MTPN: variants seen among roughly 807,000 people sequenced by gnomAD.
The protein encoded by MTPN is granule cell differentiation protein.
Under a neutral mutation model 13.5 loss-of-function variants are expected in MTPN, and 2 were observed. That is an observed-to-expected ratio of 0.15 (90% CI 0.06 to 0.47). The LOEUF (loss-of-function observed/expected upper bound fraction) is 0.47. Among genes scored for constraint, MTPN ranks in the 20% least tolerant of loss-of-function variants. The pLI is 0.97. For missense variants in MTPN, 79 were observed against 137.9 expected, an observed-to-expected ratio of 0.57 and a Z score of 2.14; for synonymous variants, 46 against 51.7, an observed-to-expected ratio of 0.89 and a Z score of 0.48.
intron 3 of MTPN, 122 bp downstream of exon 3, chr7:135,950,477 T>C (rs1205824427): frequency 1.2e-6 from 1 of 803,200 alleles, no homozygotes; most frequent in Non-Finnish European, 2.1e-6. Flanking sequence ...TACACTTCAA[T>C]TTTGTATATT....
intron 3 of MTPN, among the ~76,000 whole-genome samples, chr7:135,949,552 T>C (rs1267248170): frequency 2.0e-5 from 3 of 152,180 alleles, no homozygotes; most frequent in African/African-American, 7.2e-5. Context: ...CCAGTAATTG[T>C]GGTTAACATG....
chr7:135,977,242 C>A lies in MTPN; in HGVS notation c.-142G>T, dbSNP rs1055280. On this transcript the variant is annotated 5_prime_UTR_variant, in exon 1 of 4. Transcript: ENST00000393085. ...AGAGAAGGAGGGTTAGGCTGCCAGGCGGGCGAGGCAGTTGGCCGCGGCGAC... is the reference window on the plus strand; with the variant it reads ...AGAGAAGGAGGGTTAGGCTGCCAGGAGGGCGAGGCAGTTGGCCGCGGCGAC... 1,204 of 818,860 alleles carry A rather than the reference C, an allele frequency of 1.5e-3. 18 individuals carry two copies. The African/African-American group carries it at 0.017, about 12-fold the overall frequency. The allele number at this position is 818,860 out of a possible 1,614,324, so 50.7% of individuals were successfully genotyped here. A position where few individuals can be genotyped will look rare whatever the true frequency, so the allele number is the denominator to read the frequency against.
chr7:135,969,238 T>TAAAAAAAAAAAAAAAAAAAAAAAAAA (rs57871609), intron 1 of MTPN, among the ~76,000 whole-genome samples: 1 of 109,110 alleles, frequency 9.2e-6, no homozygotes, highest in African/African-American at 3.4e-5. Flanking sequence ...TAAAGTATAA[T>TAAAAAAAAAAAAAAAAAAAAAAAAAA]AAAAAAAAAA....
chr7:135,940,295 A>T (rs1799189320), intron 3 of MTPN, among the ~76,000 whole-genome samples: 1 of 152,240 alleles, frequency 6.6e-6, no homozygotes, highest in Admixed American at 6.5e-5. Context: ...AATTATTCAA[A>T]TACCTACAAT....
At position 135,927,348 on chromosome 7, in the gene MTPN, T is replaced by C. The variant is rs145651438; in HGVS notation, c.*2578A>G. Reference sequence around the variant, plus strand: ...TGTATTTGAACGATAAGCCTATAGATAACAGTCTGAAGCTGCAAGGGAGAC... The same window carrying C: ...TGTATTTGAACGATAAGCCTATAGACAACAGTCTGAAGCTGCAAGGGAGAC... On this transcript the variant is annotated 3_prime_UTR_variant, in exon 4 of 4. Transcript: ENST00000393085. 436 of 1,551,296 alleles carry C rather than the reference T, an allele frequency of 2.8e-4. No homozygotes were observed. The African/African-American group carries it at 5.3e-3, about 19-fold the overall frequency.
chr7:135,939,047 G>A (rs571259136), intron 3 of MTPN, among the ~76,000 whole-genome samples: 1 of 151,796 alleles, frequency 6.6e-6, no homozygotes, highest in Non-Finnish European at 1.5e-5. Flanking sequence ...TGTTTACTCT[G>A]CCTTCCCTCT....
Position 135,941,055 on chromosome 7 carries a change from A to T in MTPN, c.270+9544T>A, listed in dbSNP as rs75908434. On this transcript the variant is annotated intron_variant, in intron 3 of 3. Coordinates refer to ENST00000393085, the MANE Select transcript of MTPN (RefSeq NM_145808.4). Reference sequence around the variant, plus strand: ...GAGACCATAAGGCACAGAAAGCCCCAAATGTTTACTACCTGGCCCTTAACA... The same window carrying T: ...GAGACCATAAGGCACAGAAAGCCCCTAATGTTTACTACCTGGCCCTTAACA... Among the ~76,000 whole-genome samples, 2,562 of 152,300 alleles carry T rather than the reference A, an allele frequency of 0.017. 94 individuals are homozygous for T. In the East Asian group the frequency reaches 0.18, roughly 11 times the overall value.
At chr7:135,955,643 T>C (rs2116383805) in intron 1 of MTPN, among the ~76,000 whole-genome samples, 1 of 152,284 alleles carries the variant, frequency 6.6e-6, no homozygotes, top group South Asian at 2.1e-4. Flanking sequence ...TATGCCAATA[T>C]TCCTCATGAC....
intron 3 of MTPN, among the ~76,000 whole-genome samples, chr7:135,935,886 G>A (rs574612242): frequency 2.7e-4 from 41 of 152,074 alleles, no homozygotes; most frequent in African/African-American, 9.2e-4. Flanking sequence ...AAGTTTCTAA[G>A]GTTCAGCTCA....
chr7:135,964,199 C>A (rs1298871855), intron 1 of MTPN, among the ~76,000 whole-genome samples: 2 of 151,958 alleles, frequency 1.3e-5, no homozygotes, highest in African/African-American at 4.8e-5. Context: ...TTTATCTTAA[C>A]AAACTGTATA....
At chr7:135,975,858 T>TTG (rs1799765787) in intron 1 of MTPN, among the ~76,000 whole-genome samples, 1 of 152,202 alleles carries the variant, frequency 6.6e-6, no homozygotes, top group African/African-American at 2.4e-5. Flanking sequence ...TGTAATGGCA[T>TTG]TAAATAAAGT....
At chr7:135,937,167 C>T (rs1799127448) in intron 3 of MTPN, among the ~76,000 whole-genome samples, 1 of 152,096 alleles carries the variant, frequency 6.6e-6, no homozygotes, top group Admixed American at 6.5e-5. Flanking sequence ...GGATGAAACT[C>T]TCAAACTCCT....
At chr7:135,956,116 A>T (rs1310937559) in intron 1 of MTPN, among the ~76,000 whole-genome samples, 1 of 152,180 alleles carries the variant, frequency 6.6e-6, no homozygotes, top group Admixed American at 6.5e-5. Context: ...TTATCTGCAG[A>T]TCCCATGGTT....
At chr7:135,958,874 T>G (rs980821742) in intron 1 of MTPN, among the ~76,000 whole-genome samples, 3 of 152,104 alleles carry the variant, frequency 2.0e-5, no homozygotes, top group African/African-American at 7.2e-5. Flanking sequence ...ACATTCAAAT[T>G]TCACTAAAGT....
At chr7:135,954,066 G>A (rs893832681) in intron 1 of MTPN, among the ~76,000 whole-genome samples, 11 of 152,076 alleles carry the variant, frequency 7.2e-5, no homozygotes, top group African/African-American at 2.4e-4. Context: ...CTTAGTTGTG[G>A]GACCAGAGAC....
chr7:135,966,158 A>G (rs896174951), intron 1 of MTPN, among the ~76,000 whole-genome samples: 2 of 152,144 alleles, frequency 1.3e-5, no homozygotes, highest in African/African-American at 4.8e-5. Context: ...AGCTCAGTAA[A>G]TGGACAGAAA....
intron 1 of MTPN, among the ~76,000 whole-genome samples, chr7:135,965,221 C>T (rs1799587349): frequency 6.6e-6 from 1 of 152,074 alleles, no homozygotes; most frequent in Non-Finnish European, 1.5e-5. Context: ...CACTGCTTTG[C>T]AAATTTTACA....
chr7:135,949,494 T>C (rs1325223986), intron 3 of MTPN, among the ~76,000 whole-genome samples: 1 of 152,166 alleles, frequency 6.6e-6, no homozygotes, highest in Non-Finnish European at 1.5e-5. Context: ...AAAATTGCTC[T>C]TGATATATAA....
Position 135,928,964 on chromosome 7 carries a change from G to T in MTPN, c.*962C>A, listed in dbSNP as rs1392273289. 1.2e-5 allele frequency: 2 copies of T among 167,050 alleles called. No homozygotes were observed. The highest frequency in any genetic ancestry group is 4.8e-5 in the African/African-American group (2 of 41,452). 10.3% of individuals were successfully genotyped at this position (167,050 alleles called of 1,614,324 possible). On this transcript the variant is annotated 3_prime_UTR_variant, in exon 4 of 4. Transcript: ENST00000393085. ...TAATCAGCCTCCAAGATGGGTCTGA[G>T]AGAGGCATTTCAAAGAATGTTCCTT... is the stretch of plus-strand genomic sequence containing the variant.
Sources: gnomAD v4.1 joint callset for allele counts (sites outside exome capture counted in the v4.1 genomes callset) on GRCh38, gnomAD v4.1.1 for gene constraint, MANE v1.5 for transcripts, NCBI Gene and HGNC (gene_info 2026-07-23, HGNC 2026-07-21) for gene names.